SAXO1: variants seen among roughly 807,000 people sequenced by gnomAD.
SAXO1 encodes the protein 4930500O09Rik.
SAXO1 carries 21 observed loss-of-function variants against 17.5 expected under a neutral mutation model. The ratio of observed to expected loss-of-function variants is 1.20; its 90% CI spans 0.85 to 1.72. The LOEUF (loss-of-function observed/expected upper bound fraction) is 1.72. SAXO1 is among the 40% of genes most tolerant of loss of function. SAXO1 has a pLI of 0.00. For missense variants in SAXO1, 843 were observed against 596.0 expected, an observed-to-expected ratio of 1.41 and a Z score of -4.32; for synonymous variants, 274 against 216.5, an observed-to-expected ratio of 1.27 and a Z score of -2.33.
At chr9:18,929,736 T>C (rs1462291172) in intron 3 of SAXO1, among the ~76,000 whole-genome samples, 2 of 152,236 alleles carry the variant, frequency 1.3e-5, no homozygotes, top group Non-Finnish European at 2.9e-5. Flanking sequence ...TGGGTACTAT[T>C]AATGCCAGTT....
In SAXO1 at chr9:18,984,047, C is replaced by G. The variant is rs145690320; in HGVS notation, c.39-33110G>C. ...GATAGACAATATTCATCTCCTTATACATCTCCATCAGAGCTCTTGGGTGAC... is the reference window on the plus strand; with the variant it reads ...GATAGACAATATTCATCTCCTTATAGATCTCCATCAGAGCTCTTGGGTGAC... On this transcript the variant is annotated intron_variant, in intron 1 of 3. Coordinates refer to ENST00000380534, the MANE Select transcript of SAXO1 (RefSeq NM_153707.4). Among the ~76,000 whole-genome samples, 1,095 of 152,150 alleles carry G rather than the reference C, an allele frequency of 7.2e-3. 15 individuals are homozygous for G. Among genetic ancestry groups the G allele is most frequent in the Non-Finnish European group, 0.012 (814 of 68,028 alleles).
intron 1 of SAXO1, among the ~76,000 whole-genome samples, chr9:18,954,753 T>C (rs1343639085): frequency 1.3e-5 from 2 of 152,112 alleles, no homozygotes; most frequent in Non-Finnish European, 2.9e-5. Context: ...GAACCAGTCA[T>C]AGACATAGGA....
intron 2 of SAXO1, among the ~76,000 whole-genome samples, chr9:18,947,257 G>C (rs1181739534): frequency 6.6e-6 from 1 of 152,172 alleles, no homozygotes; most frequent in African/African-American, 2.4e-5. Flanking sequence ...TCAATGGGCA[G>C]TGCAAGACTC....
intron 1 of SAXO1, among the ~76,000 whole-genome samples, chr9:19,016,253 T>C (rs1320281531): frequency 6.6e-6 from 1 of 152,070 alleles, no homozygotes; most frequent in Non-Finnish European, 1.5e-5. Flanking sequence ...CTGACGAACA[T>C]GGTGAAACCC....
At chr9:19,024,219 G>A (rs1294713170) in intron 1 of SAXO1, among the ~76,000 whole-genome samples, 1 of 151,788 alleles carries the variant, frequency 6.6e-6, no homozygotes, top group African/African-American at 2.4e-5. Context: ...TGTCTTCCGT[G>A]TCTCTCTGAC....
At position 18,983,816 on chromosome 9, in the gene SAXO1, G is replaced by T. The variant is rs555284779; in HGVS notation, c.39-32879C>A. ...CCACGAATCACTAACTTTCTTAATG[G>T]CGTCTAGAATGATGAATCCTTTCCA... On this transcript the variant is annotated intron_variant, in intron 1 of 3. Coordinates refer to ENST00000380534, the MANE Select transcript of SAXO1 (RefSeq NM_153707.4). 7.2e-5 allele frequency among the ~76,000 whole-genome samples: 11 copies of T among 152,250 alleles called. No homozygotes were observed. The South Asian group carries it at 2.3e-3, about 32-fold the overall frequency.
rs574836749 is a variant in SAXO1, at chr9:19,038,369, A to C, written c.-158+10840T>G. ...CTTGGAACCAACCCAAATGTCCAAC[A>C]ATGATAGACTGGATTAAGAAAATGT... On this transcript the variant is annotated intron_variant, in intron 1 of 3. Transcript: ENST00000542071. 1.5e-3 allele frequency among the ~76,000 whole-genome samples: 235 copies of C among 152,246 alleles called. 4 individuals carry two copies. Among genetic ancestry groups the C allele is most frequent in the Admixed American group, 0.015 (232 of 15,294 alleles).
intron 1 of SAXO1, among the ~76,000 whole-genome samples, chr9:19,039,935 G>A (rs1365081887): frequency 2.6e-5 from 4 of 152,118 alleles, no homozygotes; most frequent in Non-Finnish European, 4.4e-5. Flanking sequence ...CACCATGTTG[G>A]CCAGGCTGGT....
At chr9:19,008,533 GGAGA>G (rs933869331) in intron 1 of SAXO1, among the ~76,000 whole-genome samples, 1 of 152,146 alleles carries the variant, frequency 6.6e-6, no homozygotes, top group African/African-American at 2.4e-5. Context: ...GAACAGGGGA[GGAGA>G]GAGGCTTGCC....
intron 1 of SAXO1, among the ~76,000 whole-genome samples, chr9:19,017,985 T>C (rs1835058938): frequency 6.6e-6 from 1 of 152,032 alleles, no homozygotes; most frequent in African/African-American, 2.4e-5. Context: ...CTGGGCAACA[T>C]GGCAAAATCT....
intron 2 of SAXO1, among the ~76,000 whole-genome samples, chr9:18,946,447 T>C (rs1831801720): frequency 6.6e-6 from 1 of 151,976 alleles, no homozygotes; most frequent in South Asian, 2.1e-4. Flanking sequence ...ATGGGGTAGA[T>C]TCCAAGCTAA....
chr9:18,944,092 C>G (rs546538521), intron 2 of SAXO1, among the ~76,000 whole-genome samples: 5 of 149,376 alleles, frequency 3.3e-5, no homozygotes, highest in African/African-American at 1.3e-4. Flanking sequence ...AATTGGTTTC[C>G]CAAAGACAAA....
At chr9:19,037,499 A>T (rs1451161332), upstream of SAXO1, among the ~76,000 whole-genome samples, 1 of 152,182 alleles carries the variant, frequency 6.6e-6, no homozygotes, top group Non-Finnish European at 1.5e-5. Context: ...CATGGTAGTA[A>T]GTCTCACAAG....
intron 1 of SAXO1, among the ~76,000 whole-genome samples, chr9:19,043,193 C>T (rs772431845): frequency 1.3e-5 from 2 of 151,800 alleles, no homozygotes; most frequent in Non-Finnish European, 2.9e-5. Flanking sequence ...AAATGTGGTA[C>T]ATATACACTA....
At chr9:18,972,777 C>A (rs1038771600) in intron 1 of SAXO1, among the ~76,000 whole-genome samples, 3 of 152,234 alleles carry the variant, frequency 2.0e-5, no homozygotes, top group African/African-American at 4.8e-5. Context: ...CCTCTTTGCT[C>A]TTCCTTTGTC....
In SAXO1 at chr9:19,008,903, G is replaced by A. The variant is rs77167584; in HGVS notation, c.38+23968C>T. 4.9e-3 allele frequency among the ~76,000 whole-genome samples: 752 copies of A among 152,300 alleles called. 12 individuals are homozygous for A. Among genetic ancestry groups the A allele is most frequent in the East Asian group, 0.037 (194 of 5,188 alleles). ...CATGCATGCAACTTAGCAACTCAGCGAGGGGAAAGCTGATCACAGCACCGG... is the reference window on the plus strand; with the variant it reads ...CATGCATGCAACTTAGCAACTCAGCAAGGGGAAAGCTGATCACAGCACCGG... On this transcript the variant is annotated intron_variant, in intron 1 of 3. Coordinates refer to ENST00000380534, the MANE Select transcript of SAXO1 (RefSeq NM_153707.4).
intron 1 of SAXO1, among the ~76,000 whole-genome samples, chr9:18,995,325 C>T (rs10963898): frequency 0.53 from 80,119 of 152,042 alleles, 22,338 homozygotes; most frequent in Non-Finnish European, 0.63. Context: ...GCCAGTCTCA[C>T]TTGTGGGATA....
At chr9:19,036,047 C>A (rs4381030), upstream of SAXO1, among the ~76,000 whole-genome samples, 3 of 148,794 alleles carry the variant, frequency 2.0e-5, no homozygotes, top group Non-Finnish European at 1.5e-5. Context: ...TAAGTGGGAG[C>A]TGAACAATGA....
At chr9:18,967,934 G>C (rs531964086) in intron 1 of SAXO1, among the ~76,000 whole-genome samples, 2 of 152,308 alleles carry the variant, frequency 1.3e-5, no homozygotes, top group East Asian at 3.9e-4. Flanking sequence ...GAAAAGTGTA[G>C]TATCTGGGCC....
Sources: gnomAD v4.1 joint callset for allele counts (sites outside exome capture counted in the v4.1 genomes callset) on GRCh38, gnomAD v4.1.1 for gene constraint, MANE v1.5 for transcripts, NCBI Gene and HGNC (gene_info 2026-07-23, HGNC 2026-07-21) for gene names.